CDKL5: variants seen among roughly 807,000 people sequenced by gnomAD.
The protein encoded by CDKL5 is cyclin dependent kinase like 5.
CDKL5 carries 8 observed loss-of-function variants against 61.7 expected under a neutral mutation model. The ratio of observed to expected loss-of-function variants is 0.13; its 90% CI spans 0.08 to 0.23. The LOEUF (loss-of-function observed/expected upper bound fraction) is 0.23. CDKL5 is among the 10% of genes least tolerant of loss of function. The probability of loss-of-function intolerance (pLI) is 1.00; values close to 1 mark genes in which losing one functional copy is unlikely to be tolerated. For synonymous variants in CDKL5, 275 were observed against 272.3 expected, an observed-to-expected ratio of 1.01 and a Z score of -0.10; for missense variants, 440 against 734.5, an observed-to-expected ratio of 0.60 and a Z score of 4.63.
chrX:18,643,493 T>C (rs1173293813), downstream of CDKL5, among the ~76,000 whole-genome samples: 1 of 112,448 alleles, frequency 8.9e-6, no homozygotes, highest in Non-Finnish European at 1.9e-5. Flanking sequence ...AGTGCCTCTT[T>C]GCAAAGAACC....
At position 18,598,438 on chromosome X, in the gene CDKL5, C is replaced by T. The variant is rs181035635; in HGVS notation, c.826-24C>T. ...AAATTTGACTTTGTAATGTTCTTAA[C>T]GATCCTAAATTTTATTTCCTAAGAA... On this transcript the variant is annotated intron_variant, in intron 10 of 17. Coordinates refer to ENST00000623535, the MANE Select transcript of CDKL5 (RefSeq NM_001323289.2). 1,966 of 1,178,224 alleles carry T rather than the reference C, an allele frequency of 1.7e-3. 3 individuals are homozygous for T. The highest frequency in any genetic ancestry group is 1.6e-3 in the Non-Finnish European group (1,425 of 867,218).
chrX:18,595,321 A>C, intron 9 of CDKL5, 27 bp from the exon 10 acceptor site: 1 of 1,061,755 alleles, frequency 9.4e-7, no homozygotes, highest in Non-Finnish European at 1.3e-6. Context: ...CCCAAATGTT[A>C]ACATTCCCTT....
At chrX:18,504,144 T>C (rs755842283) in intron 1 of CDKL5, among the ~76,000 whole-genome samples, 271 of 111,183 alleles carry the variant, frequency 2.4e-3, no homozygotes, top group Non-Finnish European at 4.2e-3. Flanking sequence ...CTCACACTGT[T>C]GCCCAGGCTA....
chrX:18,609,385 C>G, intron 13 of CDKL5, 80 bp from the exon 14 acceptor site: 1 of 1,205,008 alleles, frequency 8.3e-7, no homozygotes, highest in East Asian at 3.0e-5. Context: ...TAGAGTGAGA[C>G]CCTGTCTCAA....
At chrX:18,624,018 A>G in intron 16 of CDKL5, 1 of 747,335 alleles carries the variant, frequency 1.3e-6, no homozygotes, top group African/African-American at 2.3e-5. Context: ...GTTTTTATGT[A>G]TGGTAGCCCT....
chrX:18,580,475 T>C (rs764539651), intron 6 of CDKL5, among the ~76,000 whole-genome samples: 2 of 111,706 alleles, frequency 1.8e-5, no homozygotes, highest in African/African-American at 6.5e-5. Context: ...CCTAATTTTC[T>C]CTACCCCTTA....
intron 1 of CDKL5, among the ~76,000 whole-genome samples, chrX:18,449,870 C>T (rs1477729434): frequency 9.1e-6 from 1 of 109,838 alleles, no homozygotes; most frequent in Non-Finnish European, 1.9e-5. Flanking sequence ...TCTTGGCTCA[C>T]TGCAACCTCC....
chrX:18,627,881 G>A (rs1285892119), intron 17 of CDKL5: 1 of 117,873 alleles, frequency 8.5e-6, no homozygotes, highest in Non-Finnish European at 1.8e-5. Context: ...GAACGAAAAG[G>A]GCTATACGAC....
At chrX:18,511,602 C>A (rs1922832648) in intron 3 of CDKL5, among the ~76,000 whole-genome samples, 1 of 111,450 alleles carries the variant, frequency 9.0e-6, no homozygotes, top group African/African-American at 3.3e-5. Context: ...TAGGCTATAC[C>A]ATGTAGCCTA....
At chrX:18,429,071 A>G (rs1043675192) in intron 1 of CDKL5, among the ~76,000 whole-genome samples, 7 of 110,922 alleles carry the variant, frequency 6.3e-5, no homozygotes, top group African/African-American at 1.3e-4. Flanking sequence ...TTCTCATTCA[A>G]GTTTGTACAT....
intron 19 of CDKL5, among the ~76,000 whole-genome samples, chrX:18,645,412 G>A (rs1345300247): frequency 1.8e-5 from 2 of 110,153 alleles, no homozygotes; most frequent in African/African-American, 3.3e-5. Context: ...GATGAAACAC[G>A]TCCCAATGTG....
chrX:18,522,706 T>A (rs759705864), intron 3 of CDKL5, among the ~76,000 whole-genome samples: 8 of 110,843 alleles, frequency 7.2e-5, no homozygotes, highest in African/African-American at 1.6e-4. Flanking sequence ...AAGATTTTTT[T>A]AAGCTATTTT....
chrX:18,535,029 C>T (rs1244963624), intron 3 of CDKL5: 1 of 112,209 alleles, frequency 8.9e-6, no homozygotes, highest in Non-Finnish European at 1.9e-5. Context: ...GGCATGCCTA[C>T]TTCACTTTTT....
chrX:18,491,553 T>C (rs949546180), intron 1 of CDKL5, among the ~76,000 whole-genome samples: 1 of 111,536 alleles, frequency 9.0e-6, no homozygotes, highest in Non-Finnish European at 1.9e-5. Flanking sequence ...GAAGCTCCCT[T>C]TGTGAATTTT....
At chrX:18,501,365 G>A (rs1219989902) in intron 1 of CDKL5, among the ~76,000 whole-genome samples, 1 of 108,492 alleles carries the variant, frequency 9.2e-6, no homozygotes, top group Non-Finnish European at 1.9e-5. Flanking sequence ...GTAGAGACGG[G>A]GTTGTACCAT....
At chrX:18,599,973 C>G (rs774372212) in intron 11 of CDKL5, among the ~76,000 whole-genome samples, 72 of 111,520 alleles carry the variant, frequency 6.5e-4, no homozygotes, top group Middle Eastern at 4.6e-3. Flanking sequence ...GCTGGGACAA[C>G]AGGCATGTGC....
At position 18,632,495 on chromosome X, in the gene CDKL5, T is replaced by G. The variant is rs758231146; in HGVS notation, c.*3738T>G. Reference sequence around the variant, plus strand: ...GAAAGAAAATGTCTTTGTTTTTTATTCAAGTCATTTAATAGCTCTTTACAA... The same window carrying G: ...GAAAGAAAATGTCTTTGTTTTTTATGCAAGTCATTTAATAGCTCTTTACAA... On this transcript the variant is annotated 3_prime_UTR_variant, in exon 18 of 18. Transcript: ENST00000623535. 3.2e-5 allele frequency: 24 copies of G among 754,518 alleles called. No homozygotes were observed. Among genetic ancestry groups the G allele is most frequent in the Non-Finnish European group, 3.6e-5 (23 of 639,358 alleles). 62.2% of individuals were successfully genotyped at this position (754,518 alleles called of 1,213,427 possible).
At chrX:18,617,319 A>G in intron 15 of CDKL5, among the ~76,000 whole-genome samples, 1 of 111,698 alleles carries the variant, frequency 9.0e-6, no homozygotes, top group Non-Finnish European at 1.9e-5. Flanking sequence ...CTGGATGAAT[A>G]GTCCTTCTCA....
chrX:18,536,832 C>T (rs755033794), intron 3 of CDKL5, among the ~76,000 whole-genome samples: 4 of 111,104 alleles, frequency 3.6e-5, no homozygotes, highest in African/African-American at 1.3e-4. Flanking sequence ...TTAAACTCTT[C>T]ATTGGCACAT....
Sources: gnomAD v4.1 joint callset for allele counts (sites outside exome capture counted in the v4.1 genomes callset) on GRCh38, gnomAD v4.1.1 for gene constraint, MANE v1.5 for transcripts, NCBI Gene and HGNC (gene_info 2026-07-23, HGNC 2026-07-21) for gene names.